Variants in MAP4K3 observed in about 807,000 individuals in gnomAD.
MAP4K3 encodes mitogen-activated protein kinase kinase kinase kinase 3.
MAP4K3 carries 94 observed loss-of-function variants against 143.5 expected under a neutral mutation model. The ratio of observed to expected loss-of-function variants is 0.65; its 90% CI spans 0.55 to 0.78. The LOEUF (loss-of-function observed/expected upper bound fraction) is 0.78. Ranked by LOEUF, MAP4K3 falls within the 30% of genes least tolerant of loss-of-function variation. The pLI, the probability that MAP4K3 is intolerant of heterozygous loss-of-function variation, is 0.00. For synonymous variants in MAP4K3, 416 were observed against 347.2 expected (o/e 1.20, Z -2.20); for missense variants, 1,077 against 1,068.1 (o/e 1.01, Z -0.12).
Position 39,250,592 on chromosome 2 carries a change from A to T in MAP4K3, c.*26T>A. 1.3e-6 allele frequency: 2 copies of T among 1,598,970 alleles called. No individual in the cohort carries two copies. Among genetic ancestry groups the T allele is most frequent in the Middle Eastern group, 1.7e-4 (1 of 6,042 alleles). On this transcript the variant is annotated 3_prime_UTR_variant, in exon 34 of 34. Transcript: ENST00000263881. ...CAGTGGTAGTGTTCTTTCTTTCTAG[A>T]GTTAACTGTCAAAGCACAACAATTC...
At chr2:39,384,406 C>T (rs551040471) in intron 1 of MAP4K3, among the ~76,000 whole-genome samples, 17 of 152,288 alleles carry the variant, frequency 1.1e-4, no homozygotes, top group Admixed American at 5.2e-4. Flanking sequence ...ATTAGCTGGG[C>T]GCAGTGGCAT....
At chr2:39,286,507 C>G (rs1681783720) in intron 21 of MAP4K3, among the ~76,000 whole-genome samples, 1 of 152,174 alleles carries the variant, frequency 6.6e-6, no homozygotes, top group East Asian at 1.9e-4. Flanking sequence ...GAGAAACTAT[C>G]AAGAATCAAT....
At chr2:39,324,122 T>C (rs1683408955) in intron 12 of MAP4K3, among the ~76,000 whole-genome samples, 1 of 152,068 alleles carries the variant, frequency 6.6e-6, no homozygotes, top group Admixed American at 6.6e-5. Flanking sequence ...CCAAAAAACT[T>C]CTTCAGGCCA....
chr2:39,293,598 G>A (rs1682145966), intron 16 of MAP4K3, among the ~76,000 whole-genome samples: 1 of 152,108 alleles, frequency 6.6e-6, no homozygotes, highest in Non-Finnish European at 1.5e-5. Flanking sequence ...TAATTGCAGG[G>A]TCATAGCCAG....
chr2:39,308,070 A>T, intron 14 of MAP4K3, 65 bp from the exon 15 acceptor site: 1 of 1,152,214 alleles, frequency 8.7e-7, no homozygotes, highest in Non-Finnish European at 1.3e-6. Context: ...AAATTCACAA[A>T]GGGAAACTTT....
intron 8 of MAP4K3, among the ~76,000 whole-genome samples, chr2:39,326,874 G>A (rs1683507627): frequency 6.6e-6 from 1 of 152,030 alleles, no homozygotes; most frequent in Admixed American, 6.6e-5. Flanking sequence ...GAAGGTGCCC[G>A]CTTTTTTGCC....
rs1233475766 is a variant in MAP4K3 at position 39,326,145 on chromosome 2, C to A, written c.662+1G>T. 1 of 1,612,792 alleles carries A rather than the reference C, an allele frequency of 6.2e-7. No individual in the cohort carries two copies. Among genetic ancestry groups the A allele is most frequent in the African/African-American group, 1.3e-5 (1 of 74,830 alleles). On this transcript the variant is annotated splice_donor_variant, in intron 9 of 33. Coordinates refer to ENST00000263881, the MANE Select transcript of MAP4K3 (RefSeq NM_003618.4). LOFTEE classifies it high-confidence loss of function. Reference sequence around the variant, plus strand: ...AGATTCTTCAATGATGATGCACTGACCTCATTGGGTGTAAGTCAAACATAG... The same window carrying A: ...AGATTCTTCAATGATGATGCACTGAACTCATTGGGTGTAAGTCAAACATAG...
chr2:39,395,223 G>A (rs1383248743), intron 1 of MAP4K3, among the ~76,000 whole-genome samples: 1 of 152,006 alleles, frequency 6.6e-6, no homozygotes, highest in Non-Finnish European at 1.5e-5. Context: ...GGGCTCTGTT[G>A]TATAAAAATT....
At chr2:39,384,720 G>C (rs1666447656) in intron 1 of MAP4K3, among the ~76,000 whole-genome samples, 1 of 152,156 alleles carries the variant, frequency 6.6e-6, no homozygotes, top group South Asian at 2.1e-4. Context: ...TTGTTTAATT[G>C]TACGTGTGTA....
intron 1 of MAP4K3, among the ~76,000 whole-genome samples, chr2:39,415,983 ATATAT>A (rs1667364674): frequency 2.6e-5 from 2 of 78,280 alleles, no homozygotes; most frequent in African/African-American, 5.6e-5. Context: ...AAAAAAAAAT[ATATAT>A]ATATATATAT....
Position 39,264,931 on chromosome 2 carries a change from A to G in MAP4K3, c.2136+272T>C, listed in dbSNP as rs116144095. Among the ~76,000 whole-genome samples, 1,204 of 152,296 alleles carry G rather than the reference A, an allele frequency of 7.9e-3. 17 individuals carry two copies. The highest frequency in any genetic ancestry group is 0.028 in the African/African-American group (1,154 of 41,552). On this transcript the variant is annotated intron_variant, in intron 28 of 33. Coordinates refer to ENST00000263881, the MANE Select transcript of MAP4K3 (RefSeq NM_003618.4). Reference sequence around the variant, plus strand: ...ATTCAAAATATTTCACTGATCTTTTAGTACTTCCTGTTTCTGCCATCAGGC... The same window carrying G: ...ATTCAAAATATTTCACTGATCTTTTGGTACTTCCTGTTTCTGCCATCAGGC...
chr2:39,286,991 TG>T lies in MAP4K3; in HGVS notation c.1475-28del, dbSNP rs879665273. 2.8e-6 allele frequency: 4 copies of T among 1,429,018 alleles called. No homozygotes were observed. In the Admixed American group the frequency reaches 7.7e-5, roughly 27 times the overall value. 88.5% of individuals were successfully genotyped at this position (1,429,018 alleles called of 1,614,324 possible). A position where few individuals can be genotyped will look rare whatever the true frequency, so the allele number is the denominator to read the frequency against. On this transcript the variant is annotated intron_variant, in intron 20 of 33. Transcript: ENST00000263881. ...TTCAATAAGATATATTCATTGAAAA[TG>T]ATTAATCTTCATGAAAACTTTTATT...
chr2:39,351,095 T>TA (rs1320098152), intron 3 of MAP4K3, among the ~76,000 whole-genome samples: 13 of 152,186 alleles, frequency 8.5e-5, no homozygotes, highest in Non-Finnish European at 1.8e-4. Context: ...CTATGCCACT[T>TA]TATATAAGGG....
At chr2:39,399,002 C>T (rs890782564) in intron 1 of MAP4K3, among the ~76,000 whole-genome samples, 74 of 149,474 alleles carry the variant, frequency 5.0e-4, no homozygotes, top group African/African-American at 1.7e-3. Flanking sequence ...TGAGATCATG[C>T]CATTGCACTC....
intron 1 of MAP4K3, among the ~76,000 whole-genome samples, chr2:39,411,380 T>G (rs796635492): frequency 2.6e-5 from 4 of 152,312 alleles, no homozygotes; most frequent in African/African-American, 9.6e-5. Context: ...ATTCCCTCTC[T>G]AAACAGTGAC....
intron 1 of MAP4K3, among the ~76,000 whole-genome samples, chr2:39,419,467 G>A (rs527283148): frequency 5.9e-5 from 9 of 151,988 alleles, no homozygotes; most frequent in South Asian, 2.1e-4. Flanking sequence ...GCATCATAGC[G>A]CGATAGAAAC....
At chr2:39,276,865 G>A (rs1016144263) in intron 24 of MAP4K3, among the ~76,000 whole-genome samples, 1 of 152,206 alleles carries the variant, frequency 6.6e-6, no homozygotes, top group African/African-American at 2.4e-5. Flanking sequence ...AATGGGGAAT[G>A]ACCACTAATG....
chr2:39,390,210 T>G (rs1666614804), intron 1 of MAP4K3, among the ~76,000 whole-genome samples: 1 of 152,212 alleles, frequency 6.6e-6, no homozygotes, highest in Non-Finnish European at 1.5e-5. Flanking sequence ...TAGTATTTGG[T>G]AGGTAGGACC....
chr2:39,408,447 G>C (rs1396127700), intron 1 of MAP4K3, among the ~76,000 whole-genome samples: 1 of 152,160 alleles, frequency 6.6e-6, no homozygotes, highest in Non-Finnish European at 1.5e-5. Context: ...AACACCAACA[G>C]AGAGAATGTC....
Sources: allele counts gnomAD v4.1 joint callset (sites outside exome capture counted in the v4.1 genomes callset), GRCh38; gene constraint gnomAD v4.1.1; transcripts MANE v1.5; gene names NCBI Gene and HGNC (gene_info 2026-07-23, HGNC 2026-07-21).